PTPRN2: variants seen among roughly 807,000 people sequenced by gnomAD.
The protein encoded by PTPRN2 is protein tyrosine phosphatase receptor type N2, also known as receptor-type tyrosine-protein phosphatase N2.
Under a neutral mutation model 118.8 loss-of-function variants are expected in PTPRN2, and 74 were observed. The observed-to-expected ratio is 0.62, with a 90% confidence interval of 0.52 to 0.76. The LOEUF is 0.76. Ranked by LOEUF, PTPRN2 falls within the 30% of genes least tolerant of loss-of-function variation. PTPRN2 has a pLI of 0.00. For missense variants in PTPRN2, 1,481 were observed against 1,394.4 expected (o/e 1.06, Z -0.99); for synonymous variants, 641 against 608.0 (o/e 1.05, Z -0.80).
chr7:157,907,695 C>T (rs1252754576), intron 11 of PTPRN2, among the ~76,000 whole-genome samples: 1 of 144,866 alleles, frequency 6.9e-6, no homozygotes, highest in Non-Finnish European at 1.5e-5. Flanking sequence ...CTGTCCCTTG[C>T]GTGTGGGGTG....
At chr7:158,229,086 A>T (rs536146388) in intron 3 of PTPRN2, among the ~76,000 whole-genome samples, 5 of 151,902 alleles carry the variant, frequency 3.3e-5, no homozygotes, top group Non-Finnish European at 2.9e-5. Flanking sequence ...GACCTCTCCC[A>T]TTCAGTACAG....
chr7:157,750,905 C>G (rs1009324113), intron 12 of PTPRN2, among the ~76,000 whole-genome samples: 19 of 152,214 alleles, frequency 1.2e-4, no homozygotes, highest in African/African-American at 4.6e-4. Flanking sequence ...TGGGCCAGCT[C>G]GGCACCATCG....
intron 6 of PTPRN2, among the ~76,000 whole-genome samples, chr7:158,153,342 T>C (rs761434655): frequency 1.1e-4 from 16 of 152,136 alleles, no homozygotes; most frequent in African/African-American, 3.6e-4. Flanking sequence ...TCTGTCCTTG[T>C]GATAAGGAAG....
At chr7:157,916,914 C>T (rs1182112026) in intron 11 of PTPRN2, among the ~76,000 whole-genome samples, 3 of 122,928 alleles carry the variant, frequency 2.4e-5, no homozygotes, top group Non-Finnish European at 3.4e-5. Flanking sequence ...GGGCTGGCCA[C>T]GCACCCCGGC....
At chr7:158,217,328 A>G (rs1828024394) in intron 3 of PTPRN2, among the ~76,000 whole-genome samples, 1 of 152,234 alleles carries the variant, frequency 6.6e-6, no homozygotes, top group African/African-American at 2.4e-5. Context: ...GTTAGAGCAT[A>G]CAGCCCAGGA....
intron 14 of PTPRN2, among the ~76,000 whole-genome samples, chr7:157,648,973 C>T (rs575418910): frequency 2.8e-5 from 4 of 142,984 alleles, no homozygotes; most frequent in African/African-American, 5.2e-5. Flanking sequence ...CTCGGTGGGT[C>T]GGACCCATCC....
At chr7:158,322,374 G>T (rs377461402) in intron 2 of PTPRN2, among the ~76,000 whole-genome samples, 2 of 152,168 alleles carry the variant, frequency 1.3e-5, no homozygotes, top group African/African-American at 2.4e-5. Context: ...CCTGACAGAG[G>T]GCACTGACCT....
intron 12 of PTPRN2, among the ~76,000 whole-genome samples, chr7:157,718,520 G>A (rs1799046667): frequency 6.6e-6 from 1 of 152,092 alleles, no homozygotes; most frequent in Non-Finnish European, 1.5e-5. Flanking sequence ...GCCCTGAGGT[G>A]AGTCTCAGCA....
At chr7:158,243,566 A>C (rs1262055764) in intron 3 of PTPRN2, among the ~76,000 whole-genome samples, 2 of 152,214 alleles carry the variant, frequency 1.3e-5, no homozygotes, top group Admixed American at 1.3e-4. Flanking sequence ...CACCACAGAT[A>C]CCACCTTCAG....
intron 2 of PTPRN2, among the ~76,000 whole-genome samples, chr7:158,486,656 A>G (rs1563348129): frequency 6.6e-6 from 1 of 152,244 alleles, no homozygotes; most frequent in Non-Finnish European, 1.5e-5. Context: ...AAAGTTTCCA[A>G]TCACGACTTC....
Position 157,847,592 on chromosome 7 carries a change from G to A in PTPRN2, c.1788+51081C>T, listed in dbSNP as rs113811216. On this transcript the variant is annotated intron_variant, in intron 12 of 22. Transcript: ENST00000389418. ...AGAGCCCTCTCTCACTCCATCATGC[G>A]TGCCCGATGTCTACAGAGCCCTCTC... 2.5e-3 allele frequency among the ~76,000 whole-genome samples: 359 copies of A among 141,540 alleles called. 2 individuals are homozygous for A. Among genetic ancestry groups the A allele is most frequent in the South Asian group, 0.019 (71 of 3,800 alleles). The allele number at this position is 141,540 out of a possible 152,430, so 92.9% of individuals were successfully genotyped here.
chr7:157,810,721 C>T (rs575478258), intron 12 of PTPRN2, among the ~76,000 whole-genome samples: 6 of 130,782 alleles, frequency 4.6e-5, no homozygotes, highest in Non-Finnish European at 8.0e-5. Flanking sequence ...ACGGGGACGG[C>T]GGGACTGCTG....
At chr7:157,673,890 C>A (rs1796533557) in intron 13 of PTPRN2, among the ~76,000 whole-genome samples, 1 of 152,154 alleles carries the variant, frequency 6.6e-6, no homozygotes, top group Non-Finnish European at 1.5e-5. Flanking sequence ...ACTGGGGAGT[C>A]CTTCACAAAG....
At chr7:157,758,456 C>T (rs1317063352) in intron 12 of PTPRN2, among the ~76,000 whole-genome samples, 2 of 152,188 alleles carry the variant, frequency 1.3e-5, no homozygotes, top group East Asian at 1.9e-4. Context: ...CGGGCTGGGA[C>T]GCGGGCCCCA....
In PTPRN2 at chr7:157,874,702, GAC is replaced by G. The variant is rs1301533100; in HGVS notation, c.1788+23969_1788+23970del. ...TGCAGGTAGCAAAGTAACCCAAGCA[GAC>G]ACACACTCATGCACACACACACAGA... On this transcript the variant is annotated intron_variant, in intron 12 of 22. Transcript: ENST00000389418. This position sits in a 1 kb window ranked among gnomAD's most constrained non-coding sequence, Gnocchi z 5.8. Among the ~76,000 whole-genome samples, 1 of 151,984 alleles carries G rather than the reference GAC, an allele frequency of 6.6e-6. No individual in the cohort carries two copies. The highest frequency in any genetic ancestry group is 1.5e-5 in the Non-Finnish European group (1 of 68,022).
chr7:158,074,599 C>T (rs969362806), intron 11 of PTPRN2, among the ~76,000 whole-genome samples: 2 of 152,162 alleles, frequency 1.3e-5, no homozygotes, highest in African/African-American at 2.4e-5. Flanking sequence ...GTCAGCCCCT[C>T]GCAGTAGACG....
At chr7:157,747,506 G>T (rs536763991) in intron 12 of PTPRN2, among the ~76,000 whole-genome samples, 1 of 108,156 alleles carries the variant, frequency 9.2e-6, no homozygotes, top group African/African-American at 4.1e-5. Context: ...TCCCTGAGCT[G>T]TGGGGTGTGC....
chr7:158,193,433 A>G (rs10949702), intron 4 of PTPRN2, among the ~76,000 whole-genome samples: 1 of 151,998 alleles, frequency 6.6e-6, no homozygotes, highest in Non-Finnish European at 1.5e-5. Flanking sequence ...AGGGAGATTC[A>G]CTGGAAAAGT....
rs536090025 is a variant in PTPRN2 at position 157,800,297 on chromosome 7, C to T, written c.1788+98376G>A. Among the ~76,000 whole-genome samples, 122 of 152,370 alleles carry T rather than the reference C, an allele frequency of 8.0e-4. 1 individual carries two copies. Among genetic ancestry groups the T allele is most frequent in the African/African-American group, 2.8e-3 (118 of 41,590 alleles). On this transcript the variant is annotated intron_variant, in intron 12 of 22. Transcript: ENST00000389418. ...GCTCAGAGGCCTCTGCTTAGCCCCACCTTCCATCACTGTGCCCTCTTCTCC... is the reference window on the plus strand; with the variant it reads ...GCTCAGAGGCCTCTGCTTAGCCCCATCTTCCATCACTGTGCCCTCTTCTCC...
Sources: gnomAD v4.1 joint callset for allele counts (sites outside exome capture counted in the v4.1 genomes callset) on GRCh38, gnomAD v4.1.1 for gene constraint, Gnocchi (gnomAD v3.1) non-coding constraint, MANE v1.5 for transcripts, NCBI Gene and HGNC (gene_info 2026-07-23, HGNC 2026-07-21) for gene names.